COLEC10: variants seen among roughly 807,000 people sequenced by gnomAD.
COLEC10 encodes the protein collectin subfamily member 10.
COLEC10 carries 22 observed loss-of-function variants against 28.4 expected under a neutral mutation model. The ratio of observed to expected loss-of-function variants is 0.78; its 90% CI spans 0.55 to 1.11. The LOEUF is 1.11. COLEC10 is among the 50% of genes least tolerant of loss of function. COLEC10 has a pLI of 0.00. For synonymous variants in COLEC10, 125 were observed against 116.1 expected (o/e 1.08, Z -0.49); for missense variants, 361 against 344.1 (o/e 1.05, Z -0.39).
chr8:119,069,654 ATATATATG>A (rs1815061947), intron 1 of COLEC10, among the ~76,000 whole-genome samples: 1 of 121,586 alleles, frequency 8.2e-6, no homozygotes, highest in African/African-American at 2.9e-5. Context: ...ATATATATAT[ATATATATG>A]TAAACTGCCA....
At chr8:119,070,442 C>CTCTCTCT (rs1815080428) in intron 1 of COLEC10, among the ~76,000 whole-genome samples, 6 of 130,388 alleles carry the variant, frequency 4.6e-5, no homozygotes, top group African/African-American at 1.9e-4. Flanking sequence ...AAATGTTCTC[C>CTCTCTCT]CTCGCTCTCT....
chr8:119,007,934 T>A (rs1813834117), intron 1 of COLEC10, among the ~76,000 whole-genome samples: 1 of 150,928 alleles, frequency 6.6e-6, no homozygotes, highest in South Asian at 2.1e-4. Flanking sequence ...TGAGATAATC[T>A]ACATTAACCC....
intron 2 of COLEC10, among the ~76,000 whole-genome samples, chr8:119,059,401 A>T (rs1474076626): frequency 6.6e-6 from 1 of 151,904 alleles, no homozygotes; most frequent in Non-Finnish European, 1.5e-5. Context: ...GATAGGTTCC[A>T]ATTTCATTTC....
the COLEC10 span, among the ~76,000 whole-genome samples, chr8:118,978,115 G>A: frequency 1.6e-4 from 24 of 152,052 alleles, no homozygotes; most frequent in Admixed American, 4.6e-4. Context: ...AAGTTGACAG[G>A]ATAGAGCCAA....
intron 2 of COLEC10, among the ~76,000 whole-genome samples, chr8:119,047,273 T>C (rs1265952980): frequency 2.0e-5 from 3 of 152,174 alleles, no homozygotes; most frequent in African/African-American, 7.2e-5. Flanking sequence ...CCACTTTAAC[T>C]CTCTTGCCAC....
rs993356031 is a variant in COLEC10 at position 119,106,398 on chromosome 8, C to T, written c.*207C>T. On this transcript the variant is annotated 3_prime_UTR_variant, in exon 6 of 6. Transcript: ENST00000332843. ...GGTATATTATTGACCCAATAACTCG[C>T]CAGGTTACATGGGTCTTGAGAGAGA... 1.9e-6 allele frequency: 1 copy of T among 514,938 alleles called. No individual in the cohort carries two copies. Among genetic ancestry groups the T allele is most frequent in the Non-Finnish European group, 3.4e-6 (1 of 290,506 alleles). The allele number at this position is 514,938 out of a possible 1,614,324, so 31.9% of individuals were successfully genotyped here. A position where few individuals can be genotyped will look rare whatever the true frequency, so the allele number is the denominator to read the frequency against.
chr8:119,087,995 C>A (rs1048519418), intron 1 of COLEC10, among the ~76,000 whole-genome samples: 1 of 152,066 alleles, frequency 6.6e-6, no homozygotes, highest in Non-Finnish European at 1.5e-5. Flanking sequence ...GCTCAATAGA[C>A]ATTCACTGTT....
chr8:119,106,463 A>G lies in COLEC10; in HGVS notation c.*272A>G, dbSNP rs1349946055. On this transcript the variant is annotated 3_prime_UTR_variant, in exon 6 of 6. Coordinates refer to ENST00000332843, the MANE Select transcript of COLEC10 (RefSeq NM_006438.5). ...TTGTGCACGAGATAGTTGGTTGTCT[A>G]TATGTCAAATGAGTTGTTCTCTTGG... The G allele has an allele frequency of 3.6e-5, 12 of 330,420 alleles. No individual in the cohort carries two copies. In the Admixed American group the frequency reaches 3.7e-4, roughly 10 times the overall value. 20.5% of individuals were successfully genotyped at this position (330,420 alleles called of 1,614,324 possible). A position where few individuals can be genotyped will look rare whatever the true frequency, so the allele number is the denominator to read the frequency against.
chr8:119,103,502 A>C (rs1256855798), intron 4 of COLEC10, among the ~76,000 whole-genome samples: 1 of 152,200 alleles, frequency 6.6e-6, no homozygotes, highest in Non-Finnish European at 1.5e-5. Flanking sequence ...AACAAAAAAA[A>C]AATGCCAAAT....
chr8:119,036,998 A>ATGCCTT (rs1814400881), intron 2 of COLEC10, among the ~76,000 whole-genome samples: 1 of 152,182 alleles, frequency 6.6e-6, no homozygotes, highest in South Asian at 2.1e-4. Context: ...GCCAGAGCAC[A>ATGCCTT]TGCCTTTTGA....
At chr8:119,030,864 T>C (rs1422166540) in intron 2 of COLEC10, among the ~76,000 whole-genome samples, 1 of 152,218 alleles carries the variant, frequency 6.6e-6, no homozygotes, top group East Asian at 1.9e-4. Flanking sequence ...AAAATACTTA[T>C]AATTATCCAT....
intron 2 of COLEC10, among the ~76,000 whole-genome samples, chr8:119,050,418 G>A (rs992041342): frequency 1.3e-5 from 2 of 152,190 alleles, no homozygotes; most frequent in Admixed American, 6.6e-5. Context: ...GATTTCTTCA[G>A]AAGTGGGTCA....
the COLEC10 span, among the ~76,000 whole-genome samples, chr8:118,958,554 A>T: frequency 1.3e-4 from 20 of 152,204 alleles, no homozygotes; most frequent in Non-Finnish European, 2.9e-5. Flanking sequence ...TGAAGCTTTC[A>T]AATTCATGAA....
chr8:119,068,639 T>C (rs1815021853), intron 1 of COLEC10: 1 of 152,172 alleles, frequency 6.6e-6, no homozygotes, highest in Non-Finnish European at 1.5e-5. Context: ...CACTATTTTT[T>C]ACCTAATAGA....
At chr8:119,013,882 A>G (rs1029167024) in intron 2 of COLEC10, among the ~76,000 whole-genome samples, 2 of 150,842 alleles carry the variant, frequency 1.3e-5, no homozygotes, top group Non-Finnish European at 1.5e-5. Context: ...TTTGTAATGT[A>G]CACTTACAAC....
At chr8:119,012,905 C>T (rs1813925405) in intron 2 of COLEC10, among the ~76,000 whole-genome samples, 1 of 150,138 alleles carries the variant, frequency 6.7e-6, no homozygotes. Context: ...TTTATCTATT[C>T]AAAGTCTCAA....
At chr8:119,000,865 G>T (rs1376707300) in intron 1 of COLEC10, among the ~76,000 whole-genome samples, 2 of 152,148 alleles carry the variant, frequency 1.3e-5, no homozygotes, top group Non-Finnish European at 2.9e-5. Context: ...GAGGGTGATT[G>T]CAGGAAATGT....
At chr8:118,977,693 A>G in the COLEC10 span, among the ~76,000 whole-genome samples, 2 of 149,182 alleles carry the variant, frequency 1.3e-5, no homozygotes, top group South Asian at 2.1e-4. Flanking sequence ...TGGCACATGT[A>G]TACATATGTA....
At chr8:119,020,460 T>C (rs972209820) in intron 2 of COLEC10, among the ~76,000 whole-genome samples, 5 of 152,152 alleles carry the variant, frequency 3.3e-5, no homozygotes, top group Non-Finnish European at 7.4e-5. Flanking sequence ...GTTTCGTAAC[T>C]GTGGTTGCCT....
Sources: allele counts gnomAD v4.1 joint callset (sites outside exome capture counted in the v4.1 genomes callset), GRCh38; gene constraint gnomAD v4.1.1; transcripts MANE v1.5; gene names NCBI Gene and HGNC (gene_info 2026-07-23, HGNC 2026-07-21).